SMCP: variants seen among roughly 807,000 people sequenced by gnomAD.
The protein encoded by SMCP is sperm mitochondrial-associated cysteine-rich protein.
For missense variants in SMCP, 137 were observed against 137.1 expected, an observed-to-expected ratio of 1.00 and a Z score of 0.01; for synonymous variants, 41 against 46.9, an observed-to-expected ratio of 0.87 and a Z score of 0.51.
intron 1 of SMCP, among the ~76,000 whole-genome samples, chr1:152,879,793 A>AT (rs1052496556): frequency 6.6e-6 from 1 of 152,164 alleles, no homozygotes; most frequent in Non-Finnish European, 1.5e-5. Context: ...CAACCTCCAC[A>AT]TTCAGGACCT....
intron 1 of SMCP, among the ~76,000 whole-genome samples, chr1:152,883,491 A>T (rs1202600507): frequency 6.6e-6 from 1 of 152,196 alleles, no homozygotes; most frequent in Non-Finnish European, 1.5e-5. Context: ...TTCCCAGAAG[A>T]GCTTGGACTT....
chr1:152,880,164 AG>A (rs1648990256), intron 1 of SMCP, among the ~76,000 whole-genome samples: 1 of 152,154 alleles, frequency 6.6e-6, no homozygotes, highest in South Asian at 2.1e-4. Context: ...AAACACAGAG[AG>A]GAACAACAGA....
rs1007213489 is a variant in SMCP, at chr1:152,884,652, A to G, written c.230A>G (p.Lys77Arg). ...GCCAGGTGCTGTGGTTTGGAGACCA[A>G]GCCTGAAGTCTCACCCCTTAACATG... Reference protein sequence around the residue: ...IQARCCGLETKPEVSPLNMES... With the variant: ...IQARCCGLETRPEVSPLNMES... The change falls in exon 2 of 2, where the codon AAG becomes AGG. Residue 77 changes from lysine to arginine, a missense_variant. Transcript: ENST00000368765. 5 of 1,614,066 alleles carry G rather than the reference A, an allele frequency of 3.1e-6. No individual in the cohort carries two copies. The African/African-American group carries it at 6.7e-5, about 22-fold the overall frequency.
intron 1 of SMCP, among the ~76,000 whole-genome samples, chr1:152,884,034 A>G (rs766372358): frequency 3.3e-5 from 5 of 152,162 alleles, no homozygotes; most frequent in Non-Finnish European, 7.4e-5. Flanking sequence ...AAAAATGTCT[A>G]CCTCAGGCTG....
At chr1:152,879,656 A>T (rs373329718) in intron 1 of SMCP, among the ~76,000 whole-genome samples, 8 of 152,232 alleles carry the variant, frequency 5.3e-5, no homozygotes, top group African/African-American at 1.9e-4. Flanking sequence ...CAGTGGAGAC[A>T]GCACTGGCTC....
At position 152,884,814 on chromosome 1, in the gene SMCP, T is replaced by C; in HGVS notation, c.*41T>C. 1.3e-6 allele frequency: 2 copies of C among 1,556,088 alleles called. No homozygotes were observed. The highest frequency in any genetic ancestry group is 1.2e-5 in the South Asian group (1 of 86,738). On this transcript the variant is annotated 3_prime_UTR_variant, in exon 2 of 2. Transcript: ENST00000368765. ...AACAAAGAAGAAGTCCCTGGGGCCA[T>C]GCCTTTCACTTTGTAGGGTGGGGGA...
At chr1:152,882,659 GCACACACA>G (rs143397836) in intron 1 of SMCP, among the ~76,000 whole-genome samples, 4 of 149,988 alleles carry the variant, frequency 2.7e-5, no homozygotes, top group Admixed American at 6.6e-5. Flanking sequence ...GCACTTAGGT[GCACACACA>G]CACACACACA....
intron 1 of SMCP, among the ~76,000 whole-genome samples, chr1:152,880,075 A>T (rs1339799661): frequency 6.6e-6 from 1 of 152,194 alleles, no homozygotes; most frequent in Non-Finnish European, 1.5e-5. Flanking sequence ...GAGACAAAAG[A>T]CAGAAAGGTA....
rs559019830 is a variant in SMCP, at chr1:152,878,649, G to A, written c.-21+203G>A. ...AGACATGGGAGCCACTGGGGGTGGG[G>A]ATAGTGAGAATGCCTGTGTTTATGG... On this transcript the variant is annotated intron_variant, in intron 1 of 1. Transcript: ENST00000368765. Among the ~76,000 whole-genome samples, 63 of 152,304 alleles carry A rather than the reference G, an allele frequency of 4.1e-4. No individual in the cohort carries two copies. In the South Asian group the frequency reaches 0.013, roughly 31 times the overall value.
At position 152,884,572 on chromosome 1, in the gene SMCP, C is replaced by A. The variant is rs561972681; in HGVS notation, c.150C>A (p.Cys50Ter). Residue 50 changes from cysteine (C) to a stop codon, truncating the protein, a stop_gained, in exon 2 of 2, where the codon TGC becomes TGA. Coordinates refer to ENST00000368765, the MANE Select transcript of SMCP (RefSeq NM_030663.3). LOFTEE classifies it low-confidence loss of function (END_TRUNC). ...NQCCQPKGSQ[C>*]CPPKHNHCCQ... ...GCTGCCAGCCAAAAGGCAGTCAATG[C>A]TGCCCACCAAAACACAATCACTGCT... is the stretch of plus-strand genomic sequence containing the variant. 6.2e-7 allele frequency: 1 copy of A among 1,614,194 alleles called. No homozygotes were observed. Among genetic ancestry groups the A allele is most frequent in the South Asian group, 1.1e-5 (1 of 91,072 alleles).
At chr1:152,880,521 C>G (rs1648999447) in intron 1 of SMCP, among the ~76,000 whole-genome samples, 1 of 152,188 alleles carries the variant, frequency 6.6e-6, no homozygotes, top group Admixed American at 6.5e-5. Flanking sequence ...GCTCACCTCT[C>G]TCCTTCCTGT....
Position 152,884,695 on chromosome 1 carries a change from A to G in SMCP, c.273A>G (p.Ser91=). Residue 91 remains serine, a synonymous_variant, in exon 2 of 2, where the codon TCA becomes TCG. Coordinates refer to ENST00000368765, the MANE Select transcript of SMCP (RefSeq NM_030663.3). ...SPLNMESEPN[S]PQTQDKGCQT... Reference sequence around the variant, plus strand: ...TTAACATGGAGTCTGAGCCCAACTCACCGCAAACTCAGGACAAGGGCTGTC... The same window carrying G: ...TTAACATGGAGTCTGAGCCCAACTCGCCGCAAACTCAGGACAAGGGCTGTC... 6.2e-7 allele frequency: 1 copy of G among 1,614,210 alleles called. No homozygotes were observed.
chr1:152,882,057 C>T (rs1178497911), intron 1 of SMCP, among the ~76,000 whole-genome samples: 3 of 152,186 alleles, frequency 2.0e-5, no homozygotes, highest in Non-Finnish European at 2.9e-5. Context: ...CTCACTGTAA[C>T]CTCCACCTCC....
At chr1:152,879,808 C>G (rs1648979871) in intron 1 of SMCP, among the ~76,000 whole-genome samples, 1 of 152,144 alleles carries the variant, frequency 6.6e-6, no homozygotes, top group South Asian at 2.1e-4. Context: ...GGACCTATTC[C>G]CAGGATCTCA....
chr1:152,884,874 A>G lies in SMCP; in HGVS notation c.*101A>G, dbSNP rs1204898806. On this transcript the variant is annotated 3_prime_UTR_variant, in exon 2 of 2. Coordinates refer to ENST00000368765, the MANE Select transcript of SMCP (RefSeq NM_030663.3). ...GTCAGGCTAGACCTGTGTTTAGAGA[A>G]GCAGTTTTCACAGTGACTACCATTT... The G allele has an allele frequency of 6.5e-6, 7 of 1,069,810 alleles. No homozygotes were observed. The highest frequency in any genetic ancestry group is 2.6e-5 in the Admixed American group (1 of 37,964). 66.3% of individuals were successfully genotyped at this position (1,069,810 alleles called of 1,614,324 possible).
chr1:152,879,159 A>G (rs1183143185), intron 1 of SMCP, among the ~76,000 whole-genome samples: 1 of 152,236 alleles, frequency 6.6e-6, no homozygotes, highest in African/African-American at 2.4e-5. Flanking sequence ...CAGGCTGTGC[A>G]CAGCATGGTT....
intron 1 of SMCP, among the ~76,000 whole-genome samples, chr1:152,880,299 C>G (rs1158335185): frequency 6.6e-6 from 1 of 152,138 alleles, no homozygotes; most frequent in Non-Finnish European, 1.5e-5. Context: ...TCCCTGCATA[C>G]CCCGGCACAC....
intron 1 of SMCP, among the ~76,000 whole-genome samples, chr1:152,882,422 A>T (rs1649082359): frequency 6.6e-6 from 1 of 152,186 alleles, no homozygotes; most frequent in African/African-American, 2.4e-5. Context: ...GTGGGGAAGC[A>T]GCCTGACAGC....
In SMCP at chr1:152,884,389, T is replaced by A. The variant is rs1649146510; in HGVS notation, c.-20-14T>A. 4 of 1,605,992 alleles carry A rather than the reference T, an allele frequency of 2.5e-6. No homozygotes were observed. Among genetic ancestry groups the A allele is most frequent in the Middle Eastern group, 3.3e-4 (2 of 5,990 alleles). On this transcript the variant is annotated splice_polypyrimidine_tract_variant and intron_variant, in intron 1 of 1. Coordinates refer to ENST00000368765, the MANE Select transcript of SMCP (RefSeq NM_030663.3). ...AGATTTCCTTCTGATGAGAATATTA[T>A]TTTCTTTTTCTAGTACCTCCAAGTG...
Sources: allele counts gnomAD v4.1 joint callset (sites outside exome capture counted in the v4.1 genomes callset), GRCh38; gene constraint gnomAD v4.1.1; transcripts MANE v1.5; gene names NCBI Gene and HGNC (gene_info 2026-07-23, HGNC 2026-07-21).